The following SDCCAG8 variants were observed in gnomAD, a reference collection of about 807,000 sequenced individuals.
SDCCAG8 encodes the protein serologically defined colon cancer antigen 8.
Under a neutral mutation model 101.8 loss-of-function variants are expected in SDCCAG8, and 74 were observed. The ratio of observed to expected loss-of-function variants is 0.73; its 90% CI spans 0.60 to 0.88. SDCCAG8 has a LOEUF of 0.88. Among genes scored for constraint, SDCCAG8 ranks in the 40% least tolerant of loss-of-function variants. SDCCAG8 has a pLI of 0.00. For synonymous variants in SDCCAG8, 281 were observed against 292.9 expected (o/e 0.96, Z 0.41); for missense variants, 787 against 822.6 (o/e 0.96, Z 0.53).
At chr1:243,275,587 A>G (rs2068471841) in intron 4 of SDCCAG8, among the ~76,000 whole-genome samples, 1 of 152,128 alleles carries the variant, frequency 6.6e-6, no homozygotes, top group Non-Finnish European at 1.5e-5. Context: ...GTAAAGCTGA[A>G]ATAATATCCT....
intron 13 of SDCCAG8, among the ~76,000 whole-genome samples, chr1:243,398,697 G>A (rs1284853176): frequency 3.3e-5 from 5 of 152,084 alleles, no homozygotes; most frequent in Non-Finnish European, 7.4e-5. Context: ...CTTGAACTAC[G>A]GGGTTCAAAT....
rs1197253651 is a variant in SDCCAG8, at chr1:243,256,137, C to T, written c.-37C>T. 1.0e-5 allele frequency: 16 copies of T among 1,589,078 alleles called. No homozygotes were observed. Among genetic ancestry groups the T allele is most frequent in the Admixed American group, 1.7e-5 (1 of 59,998 alleles). ...CGGAAGGGAGAAAGCTGGACATTTC[C>T]CCACGTAACTCCCAGCTCTGGGCCT... On this transcript the variant is annotated 5_prime_UTR_variant, in exon 1 of 18. Transcript: ENST00000366541.
intron 16 of SDCCAG8, among the ~76,000 whole-genome samples, chr1:243,466,073 C>T (rs1029732173): frequency 3.9e-5 from 6 of 152,184 alleles, no homozygotes; most frequent in Non-Finnish European, 7.3e-5. Context: ...AATAGCAATG[C>T]GCTATGAGCT....
chr1:243,367,174 T>G (rs559864974), intron 12 of SDCCAG8, among the ~76,000 whole-genome samples: 11 of 152,284 alleles, frequency 7.2e-5, no homozygotes, highest in Non-Finnish European at 1.2e-4. Context: ...TGGGTAACTG[T>G]TTAAAGATAA....
At chr1:243,371,163 C>T (rs765673626) in intron 12 of SDCCAG8, among the ~76,000 whole-genome samples, 6 of 152,112 alleles carry the variant, frequency 3.9e-5, no homozygotes, top group African/African-American at 7.2e-5. Context: ...TGTATCTTCT[C>T]CTTTGTCTCT....
At chr1:243,471,122 T>G (rs1432899217) in intron 16 of SDCCAG8, among the ~76,000 whole-genome samples, 1 of 152,112 alleles carries the variant, frequency 6.6e-6, no homozygotes, top group Non-Finnish European at 1.5e-5. Context: ...ATCTACAGGC[T>G]TCTGCCAACC....
At chr1:243,283,915 T>C (rs569360663) in intron 4 of SDCCAG8, among the ~76,000 whole-genome samples, 1 of 152,192 alleles carries the variant, frequency 6.6e-6, no homozygotes, top group East Asian at 1.9e-4. Flanking sequence ...TAGTTTTTTT[T>C]GCATTTTTAG....
intron 1 of SDCCAG8, among the ~76,000 whole-genome samples, chr1:243,268,773 A>G (rs2067838724): frequency 6.6e-6 from 1 of 152,208 alleles, no homozygotes; most frequent in South Asian, 2.1e-4. Flanking sequence ...CTGCTTTTCA[A>G]GGTCCTACAG....
intron 16 of SDCCAG8, among the ~76,000 whole-genome samples, chr1:243,466,821 G>C (rs187424518): frequency 2.4e-4 from 37 of 152,348 alleles, no homozygotes; most frequent in Middle Eastern, 3.4e-3. Flanking sequence ...TGTTACCAAA[G>C]TTAGAATATG....
intron 9 of SDCCAG8, among the ~76,000 whole-genome samples, chr1:243,317,666 A>G (rs746610552): frequency 6.6e-6 from 1 of 152,190 alleles, no homozygotes; most frequent in Non-Finnish European, 1.5e-5. Flanking sequence ...TAACTCAAAC[A>G]TACTTAATGA....
chr1:243,469,587 A>G (rs1660811226), intron 16 of SDCCAG8, among the ~76,000 whole-genome samples: 1 of 152,156 alleles, frequency 6.6e-6, no homozygotes, highest in Non-Finnish European at 1.5e-5. Flanking sequence ...CATATTGTGG[A>G]TTACAAGTAA....
chr1:243,467,530 T>C (rs936428235), intron 16 of SDCCAG8, among the ~76,000 whole-genome samples: 6 of 152,366 alleles, frequency 3.9e-5, no homozygotes, highest in African/African-American at 1.2e-4. Context: ...TAAGCACATA[T>C]GTGCACCGCA....
chr1:243,445,367 A>G (rs1574082168), intron 16 of SDCCAG8, among the ~76,000 whole-genome samples: 1 of 152,240 alleles, frequency 6.6e-6, no homozygotes, highest in Non-Finnish European at 1.5e-5. Flanking sequence ...GTTTTCTGAC[A>G]TCAGGTCTAG....
chr1:243,270,852 C>G lies in SDCCAG8; in HGVS notation c.221-126C>G, dbSNP rs2068023893. 24 of 726,980 alleles carry G rather than the reference C, an allele frequency of 3.3e-5. No homozygotes were observed. In the South Asian group the frequency reaches 3.7e-4, roughly 11 times the overall value. 45.0% of individuals were successfully genotyped at this position (726,980 alleles called of 1,614,324 possible). A position where few individuals can be genotyped will look rare whatever the true frequency, so the allele number is the denominator to read the frequency against. On this transcript the variant is annotated intron_variant, in intron 2 of 17. Transcript: ENST00000366541. ...TTTTTTTTATGTTGGTCTTGTATCC[C>G]CAGTTGATAGCAGAATTCTTGATGC...
chr1:243,372,182 C>T (rs535198000), intron 12 of SDCCAG8, among the ~76,000 whole-genome samples: 3 of 152,098 alleles, frequency 2.0e-5, no homozygotes, highest in African/African-American at 7.2e-5. Context: ...TCTTTGAATT[C>T]ATCCATTGGC....
chr1:243,453,365 C>CG (rs2083505435), intron 16 of SDCCAG8, among the ~76,000 whole-genome samples: 1 of 152,178 alleles, frequency 6.6e-6, no homozygotes. Context: ...TCTCCTGACT[C>CG]GGAGTACAGA....
intron 4 of SDCCAG8, among the ~76,000 whole-genome samples, chr1:243,276,541 A>G (rs1349453163): frequency 2.6e-5 from 4 of 152,214 alleles, no homozygotes; most frequent in African/African-American, 9.6e-5. Context: ...AGAGTCCTGT[A>G]TCCTCCTTTC....
intron 16 of SDCCAG8, among the ~76,000 whole-genome samples, chr1:243,475,367 G>C (rs1342527548): frequency 6.6e-6 from 1 of 152,200 alleles, no homozygotes; most frequent in East Asian, 1.9e-4. Context: ...CTGTGACTGG[G>C]ACCCATGGCC....
chr1:243,488,985 CTT>C (rs1665713619), intron 16 of SDCCAG8, 27 bp from the exon 17 acceptor site: 5 of 1,613,192 alleles, frequency 3.1e-6, no homozygotes, highest in East Asian at 2.2e-5. Flanking sequence ...CGTTATCCCT[CTT>C]TAATTCTGCG....
Sources: allele counts gnomAD v4.1 joint callset (sites outside exome capture counted in the v4.1 genomes callset), GRCh38; gene constraint gnomAD v4.1.1; transcripts MANE v1.5; gene names NCBI Gene and HGNC (gene_info 2026-07-23, HGNC 2026-07-21).